Variants in TTC34 observed in about 807,000 individuals in gnomAD.
TTC34 encodes tetratricopeptide repeat domain 34.
In TTC34, 44 loss-of-function variants were observed where a neutral mutation model predicts 40.7. The ratio of observed to expected loss-of-function variants is 1.08; its 90% confidence interval spans 0.85 to 1.39. TTC34 has a LOEUF of 1.39. Among genes scored for constraint, TTC34 ranks in the 40% most tolerant of loss-of-function variants. The pLI is 0.00. For synonymous variants in TTC34, 422 were observed against 398.6 expected (o/e 1.06, Z -0.70); for missense variants, 884 against 838.0 (o/e 1.05, Z -0.68).
At chr1:2,750,892 G>C (rs1340226621) in intron 6 of TTC34, among the ~76,000 whole-genome samples, 3 of 116,074 alleles carry the variant, frequency 2.6e-5, no homozygotes, top group Admixed American at 8.9e-5. Context: ...CAAACCCCCA[G>C]GCGAGCATCT....
At chr1:2,646,540 A>T (rs1056553107) in intron 6 of TTC34, among the ~76,000 whole-genome samples, 3 of 152,046 alleles carry the variant, frequency 2.0e-5, no homozygotes, top group African/African-American at 4.8e-5. Flanking sequence ...ACATGCCACC[A>T]CACCCAGCTC....
At chr1:2,643,471 G>T (rs1352747700) in intron 8 of TTC34, among the ~76,000 whole-genome samples, 1 of 152,134 alleles carries the variant, frequency 6.6e-6, no homozygotes, top group Non-Finnish European at 1.5e-5. Flanking sequence ...CCGGGACCAT[G>T]GCCCCAGCCA....
intron 6 of TTC34, among the ~76,000 whole-genome samples, chr1:2,693,929 C>A (rs1466035246): frequency 1.4e-4 from 11 of 79,530 alleles, no homozygotes; most frequent in Admixed American, 3.8e-4. Flanking sequence ...CTGTGACAGC[C>A]TCGAACAGCA....
chr1:2,641,826 G>A, exon 9 of TTC34: 1 of 1,531,992 alleles, frequency 6.5e-7, no homozygotes, highest in Admixed American at 2.0e-5. Flanking sequence ...AGGACAGACA[G>A]CGAACAGTAG....
intron 5 of TTC34, among the ~76,000 whole-genome samples, chr1:2,784,480 G>T (rs1643545966): frequency 6.6e-6 from 1 of 152,122 alleles, no homozygotes; most frequent in Non-Finnish European, 1.5e-5. Flanking sequence ...TAAGAAGCTG[G>T]TGGAGCAGAG....
chr1:2,687,244 C>T (rs1449858902), intron 6 of TTC34, among the ~76,000 whole-genome samples: 8 of 123,616 alleles, frequency 6.5e-5, no homozygotes, highest in Non-Finnish European at 1.3e-4. Flanking sequence ...AGCACCCACA[C>T]CCCCAGGTGC....
In TTC34 at chr1:2,644,491, C is replaced by G. The variant is rs989306079; in HGVS notation, c.2498-13G>C. On this transcript the variant is annotated splice_polypyrimidine_tract_variant and intron_variant, in intron 7 of 8. Coordinates refer to ENST00000401095, the Ensembl canonical transcript of TTC34. ...TCCTCGTAGCTGCCTGTCAGGGATT[C>G]AGGAGGGACAGTCAGTGTGTGGGGT... 16 of 1,529,348 alleles carry G rather than the reference C, an allele frequency of 1.0e-5. No homozygotes were observed. The East Asian group carries it at 3.7e-4, about 35-fold the overall frequency. 94.7% of individuals were successfully genotyped at this position (1,529,348 alleles called of 1,614,324 possible).
At chr1:2,798,344 C>T (rs1471938102) in intron 2 of TTC34, among the ~76,000 whole-genome samples, 10 of 98,336 alleles carry the variant, frequency 1.0e-4, no homozygotes, top group Admixed American at 7.0e-4. Context: ...CCTCTTAGCC[C>T]CTTAGCTCCC....
chr1:2,698,966 T>G lies in TTC34; in HGVS notation c.2227-53403A>C, dbSNP rs576454552. 2.6e-4 allele frequency among the ~76,000 whole-genome samples: 29 copies of G among 112,380 alleles called. 1 individual carries two copies. The highest frequency in any genetic ancestry group is 8.3e-4 in the African/African-American group (27 of 32,638). 73.7% of individuals were successfully genotyped at this position (112,380 alleles called of 152,430 possible). A position where few individuals can be genotyped will look rare whatever the true frequency, so the allele number is the denominator to read the frequency against. On this transcript the variant is annotated intron_variant, in intron 6 of 8. Transcript: ENST00000401095. ...CATCTGACAGCCTGGAACATCACCCTGCCCCCCCAGGTGAGCATCTGACAG... is the reference window on the plus strand; with the variant it reads ...CATCTGACAGCCTGGAACATCACCCGGCCCCCCCAGGTGAGCATCTGACAG...
rs1643753868 is a variant in TTC34, at chr1:2,799,933, C to A, written c.784+111G>T. The A allele has an allele frequency of 1.8e-5, 7 of 397,954 alleles. No individual in the cohort carries two copies. The South Asian group carries it at 9.8e-4, about 56-fold the overall frequency. The allele number at this position is 397,954 out of a possible 1,614,324, so 24.7% of individuals were successfully genotyped here. A position where few individuals can be genotyped will look rare whatever the true frequency, so the allele number is the denominator to read the frequency against. ...GCCTGACTTTCTTGTCACTGAGGCA[C>A]CCCAGCCCCAGCACAGCCTCACCCC... On this transcript the variant is annotated intron_variant, in intron 2 of 8. Transcript: ENST00000401095.
intron 6 of TTC34, among the ~76,000 whole-genome samples, chr1:2,686,991 A>T (rs1393397537): frequency 9.9e-5 from 12 of 121,558 alleles, no homozygotes; most frequent in East Asian, 5.0e-4. Context: ...CCAGCCTGGA[A>T]AAGCACCCAC....
intron 3 of TTC34, among the ~76,000 whole-genome samples, chr1:2,789,196 C>G (rs1021545665): frequency 2.6e-5 from 4 of 152,172 alleles, no homozygotes; most frequent in African/African-American, 9.7e-5. Flanking sequence ...CAAAGGGAAT[C>G]GTCATGACCT....
chr1:2,751,369 C>T (rs1352518358), intron 6 of TTC34, among the ~76,000 whole-genome samples: 14 of 135,328 alleles, frequency 1.0e-4, no homozygotes, highest in African/African-American at 2.3e-4. Flanking sequence ...ACCCACACCC[C>T]CAGGTGCGCA....
chr1:2,748,297 ACAGCCCGGAG>A (rs1641213737), intron 6 of TTC34, among the ~76,000 whole-genome samples: 1 of 138,184 alleles, frequency 7.2e-6, no homozygotes, highest in African/African-American at 2.9e-5. Context: ...TGAGAATCTG[ACAGCCCGGAG>A]CAGCACCCAC....
At chr1:2,767,718 C>T (rs866755628) in intron 6 of TTC34, among the ~76,000 whole-genome samples, 9 of 139,820 alleles carry the variant, frequency 6.4e-5, no homozygotes, top group South Asian at 2.6e-4. Context: ...TGGAACAGAA[C>T]CCCGCTCTTC....
intron 6 of TTC34, among the ~76,000 whole-genome samples, chr1:2,656,374 A>AAT (rs1557589976): frequency 6.8e-4 from 1 of 1,478 alleles, no homozygotes; most frequent in East Asian, 0.018. Context: ...CAGCACCCAC[A>AAT]CCCACAGGTG....
intron 6 of TTC34, among the ~76,000 whole-genome samples, chr1:2,767,897 A>G (rs1641827870): frequency 7.0e-6 from 1 of 142,644 alleles, no homozygotes; most frequent in South Asian, 2.4e-4. Context: ...CCACCAGATG[A>G]GCATCTGACA....
chr1:2,683,677 C>T (rs1297675499), intron 6 of TTC34, among the ~76,000 whole-genome samples: 1 of 145,352 alleles, frequency 6.9e-6, no homozygotes, highest in Non-Finnish European at 1.5e-5. Flanking sequence ...GCTGCACCCC[C>T]AGGTGACGAT....
chr1:2,700,139 T>G (rs1274566791), intron 6 of TTC34, among the ~76,000 whole-genome samples: 1 of 92,592 alleles, frequency 1.1e-5, no homozygotes, highest in African/African-American at 3.4e-5. Flanking sequence ...TCACCCCAGG[T>G]GAGCATCGGA....
Sources: allele counts gnomAD v4.1 joint callset (sites outside exome capture counted in the v4.1 genomes callset), GRCh38; gene constraint gnomAD v4.1.1; transcripts MANE v1.5; gene names NCBI Gene and HGNC (gene_info 2026-07-23, HGNC 2026-07-21).